SDCBP: variants seen among roughly 807,000 people sequenced by gnomAD.
SDCBP encodes syntenin-1.
Under a neutral mutation model 30.5 loss-of-function variants are expected in SDCBP, and 22 were observed. The observed-to-expected ratio is 0.72, with a 90% CI of 0.52 to 1.03. The LOEUF (loss-of-function observed/expected upper bound fraction) is 1.03. SDCBP is among the 50% of genes least tolerant of loss of function. The pLI is 0.00. For synonymous variants in SDCBP, 103 were observed against 118.7 expected, an observed-to-expected ratio of 0.87 and a Z score of 0.86; for missense variants, 304 against 369.9, an observed-to-expected ratio of 0.82 and a Z score of 1.46.
At chr8:58,564,539 G>T (rs866556285) in intron 1 of SDCBP, among the ~76,000 whole-genome samples, 1 of 152,270 alleles carries the variant, frequency 6.6e-6, no homozygotes, top group East Asian at 1.9e-4. Context: ...ATACATATAT[G>T]TGTGTATATA....
Position 58,579,661 on chromosome 8 carries a change from C to T in SDCBP, c.617C>T (p.Thr206Ile). The change falls in exon 7 of 9, where the codon ACT (threonine) becomes ATT (isoleucine). Residue 206 changes from threonine to isoleucine, a missense_variant. Physicochemically the swap from Thr to Ile is moderately conservative, Grantham distance 89 (BLOSUM62 -1). Transcript: ENST00000260130. Reference sequence around the variant, plus strand: ...ACGATTACCATGCATAAGGATAGCACTGGACATGTTGGTTTTATCTTTAAA... The same window carrying T: ...ACGATTACCATGCATAAGGATAGCATTGGACATGTTGGTTTTATCTTTAAA... The part of the protein sequence containing the change: ...ERTITMHKDS[T>I]GHVGFIFKNG... The T allele has an allele frequency of 6.2e-7, 1 of 1,610,560 alleles. No individual in the cohort carries two copies. Among genetic ancestry groups the T allele is most frequent in the Non-Finnish European group, 8.5e-7 (1 of 1,178,964 alleles).
At chr8:58,579,280 C>G (rs984177115) in intron 6 of SDCBP, among the ~76,000 whole-genome samples, 83 of 152,240 alleles carry the variant, frequency 5.5e-4, no homozygotes, top group African/African-American at 2.0e-3. Flanking sequence ...TAAAAATTAT[C>G]TTTACCACTG....
At chr8:58,554,905 C>A (rs1804012769) in intron 1 of SDCBP, among the ~76,000 whole-genome samples, 1 of 152,140 alleles carries the variant, frequency 6.6e-6, no homozygotes, top group Non-Finnish European at 1.5e-5. Flanking sequence ...AGTCACTTGT[C>A]TCAAAATTTA....
rs1221070585 is a variant in SDCBP at position 58,582,786 on chromosome 8, G to C, written c.*1046G>C. The C allele has an allele frequency of 6.6e-6, 1 of 152,524 alleles. No homozygotes were observed. The highest frequency in any genetic ancestry group is 1.9e-4 in the East Asian group (1 of 5,192). 9.4% of individuals were successfully genotyped at this position (152,524 alleles called of 1,614,324 possible). A position where few individuals can be genotyped will look rare whatever the true frequency, so the allele number is the denominator to read the frequency against. On this transcript the variant is annotated 3_prime_UTR_variant, in exon 9 of 9. Coordinates refer to ENST00000260130, the MANE Select transcript of SDCBP (RefSeq NM_005625.4). ...AAAATGATAGTTGACACTTTATCCT[G>C]ATTTTTTTCTTCTTTTTGGTTTATG...
chr8:58,559,270 A>C (rs1297169532), intron 1 of SDCBP, among the ~76,000 whole-genome samples: 2 of 152,200 alleles, frequency 1.3e-5, no homozygotes, highest in African/African-American at 4.8e-5. Context: ...CAGAATCAAA[A>C]AAAGAAATCA....
rs1805591648 is a variant in SDCBP, at chr8:58,580,009, G to A, written c.750+215G>A. 7.2e-6 allele frequency: 3 copies of A among 417,544 alleles called. No homozygotes were observed. The East Asian group carries it at 1.1e-4, about 16-fold the overall frequency. 25.9% of individuals were successfully genotyped at this position (417,544 alleles called of 1,614,324 possible). ...TGGGCTGGAATAAATGATCTCAGAA[G>A]TACCTCACACTAGAATTCTGTGGAA... is the stretch of plus-strand genomic sequence containing the variant. On this transcript the variant is annotated intron_variant, in intron 7 of 8. Transcript: ENST00000260130.
At chr8:58,572,800 C>CTTTTTTTTTTTTTTTTTT (rs947602204) in intron 4 of SDCBP, among the ~76,000 whole-genome samples, 1 of 83,140 alleles carries the variant, frequency 1.2e-5, no homozygotes, top group African/African-American at 4.9e-5. Flanking sequence ...TGCTCATAAT[C>CTTTTTTTTTTTTTTTTTT]TTTTTTTTTT....
intron 4 of SDCBP, among the ~76,000 whole-genome samples, chr8:58,572,800 CTT>C (rs947602204): frequency 2.4e-5 from 2 of 83,140 alleles, no homozygotes; most frequent in African/African-American, 4.9e-5. Flanking sequence ...TGCTCATAAT[CTT>C]TTTTTTTTTT....
intron 1 of SDCBP, among the ~76,000 whole-genome samples, chr8:58,554,960 G>C (rs191877629): frequency 6.6e-6 from 1 of 152,240 alleles, no homozygotes; most frequent in East Asian, 1.9e-4. Flanking sequence ...TGGCAGGCAG[G>C]CAACTTTTTT....
At chr8:58,566,703 A>G (rs1804723134) in intron 2 of SDCBP, among the ~76,000 whole-genome samples, 1 of 152,064 alleles carries the variant, frequency 6.6e-6, no homozygotes, top group South Asian at 2.1e-4. Flanking sequence ...TCATTTTCTA[A>G]GGTGGATGAT....
At chr8:58,572,850 A>G (rs1805105535) in intron 4 of SDCBP, among the ~76,000 whole-genome samples, 1 of 116,760 alleles carries the variant, frequency 8.6e-6, no homozygotes, top group Non-Finnish European at 1.6e-5. Context: ...TTTGTCACCC[A>G]GGCTGGAGTG....
At chr8:58,557,412 GTAATA>G (rs981467134) in intron 1 of SDCBP, among the ~76,000 whole-genome samples, 9 of 119,128 alleles carry the variant, frequency 7.6e-5, no homozygotes, top group African/African-American at 9.3e-5. Flanking sequence ...ATAATATAAT[GTAATA>G]TAATATATAT....
chr8:58,574,082 T>C (rs1805193695), intron 4 of SDCBP, among the ~76,000 whole-genome samples: 1 of 152,204 alleles, frequency 6.6e-6, no homozygotes, highest in African/African-American at 2.4e-5. Flanking sequence ...CATTTTTAAC[T>C]CAGGGGTGTA....
At chr8:58,570,848 T>C (rs2129607970) in intron 2 of SDCBP, 39 bp from the exon 3 acceptor site, 1 of 1,332,710 alleles carries the variant, frequency 7.5e-7, no homozygotes, top group East Asian at 2.3e-5. Context: ...ATAAAGTAAG[T>C]ATAGCATATT....
chr8:58,556,894 T>A (rs917200803), intron 1 of SDCBP, among the ~76,000 whole-genome samples: 2 of 143,266 alleles, frequency 1.4e-5, no homozygotes, highest in East Asian at 4.1e-4. Context: ...ATAATACGTA[T>A]AATACGTATT....
intron 6 of SDCBP, chr8:58,578,483 C>T: frequency 4.0e-6 from 1 of 251,366 alleles, no homozygotes; most frequent in Non-Finnish European, 7.6e-6. Flanking sequence ...CATCTCTGGG[C>T]TCACTTTCCA....
chr8:58,579,167 A>G (rs371480294), intron 6 of SDCBP, among the ~76,000 whole-genome samples: 1 of 152,226 alleles, frequency 6.6e-6, no homozygotes, highest in Admixed American at 6.5e-5. Flanking sequence ...CAATGTATAA[A>G]ATTTTCAAAA....
chr8:58,553,772 C>A, intron 1 of SDCBP, among the ~76,000 whole-genome samples: 1 of 152,220 alleles, frequency 6.6e-6, no homozygotes, highest in Non-Finnish European at 1.5e-5. Context: ...AATCGCCCTT[C>A]TTTTGGGTTA....
At chr8:58,570,640 A>T in intron 2 of SDCBP, 1 of 379,364 alleles carries the variant, frequency 2.6e-6, no homozygotes. Flanking sequence ...TGGTTATAAG[A>T]CATGTAGAAT....
Sources: allele counts gnomAD v4.1 joint callset (sites outside exome capture counted in the v4.1 genomes callset), GRCh38; gene constraint gnomAD v4.1.1; transcripts MANE v1.5; gene names NCBI Gene and HGNC (gene_info 2026-07-23, HGNC 2026-07-21).